Variants in ESRRG observed in about 807,000 individuals in gnomAD.
ESRRG encodes the protein estrogen-related receptor gamma.
In ESRRG, 13 loss-of-function variants were observed where a neutral mutation model predicts 44.0. The ratio of observed to expected loss-of-function variants is 0.30; its 90% CI spans 0.19 to 0.47. The LOEUF (loss-of-function observed/expected upper bound fraction) is 0.47, where lower values mean the gene tolerates loss of function less well. Among genes scored for constraint, ESRRG ranks in the 20% least tolerant of loss-of-function variants. The probability of loss-of-function intolerance (pLI) is 1.00; values close to 1 mark genes in which losing one functional copy is unlikely to be tolerated. For synonymous variants in ESRRG, 215 were observed against 214.6 expected (o/e 1.00, Z -0.02); for missense variants, 395 against 580.6 (o/e 0.68, Z 3.29).
At chr1:217,053,829 G>T (rs2086583031) in intron 1 of ESRRG, among the ~76,000 whole-genome samples, 1 of 152,134 alleles carries the variant, frequency 6.6e-6, no homozygotes, top group South Asian at 2.1e-4. Context: ...AACATGGGAA[G>T]AAGGGGTTGG....
chr1:217,069,030 C>A lies in ESRRG; in HGVS notation c.-106+20477G>T, dbSNP rs529889620. Among the ~76,000 whole-genome samples the A allele has an allele frequency of 1.2e-4, 18 of 152,274 alleles. No homozygotes were observed. In the East Asian group the frequency reaches 3.1e-3, roughly 26 times the overall value. On this transcript the variant is annotated intron_variant, in intron 1 of 7. Transcript: ENST00000359162. ...GTCAACTTGATTGGATTCAAGGATG[C>A]AAAGTATTTATCCTGGGTGTGTCTA...
At chr1:216,917,007 A>G (rs1379005036) in intron 2 of ESRRG, among the ~76,000 whole-genome samples, 2 of 151,206 alleles carry the variant, frequency 1.3e-5, no homozygotes, top group Non-Finnish European at 2.9e-5. Flanking sequence ...GTGGTTGCTC[A>G]TGTGGCTGCA....
chr1:216,654,993 A>G (rs1265250560), intron 2 of ESRRG, among the ~76,000 whole-genome samples: 1 of 152,196 alleles, frequency 6.6e-6, no homozygotes, highest in East Asian at 1.9e-4. Context: ...TAATTACGTA[A>G]AGATTTTAAA....
chr1:216,885,530 G>A (rs1345554887), intron 2 of ESRRG, among the ~76,000 whole-genome samples: 1 of 151,152 alleles, frequency 6.6e-6, no homozygotes, highest in Non-Finnish European at 1.5e-5. Flanking sequence ...CTTGGGAAAA[G>A]TCACCCATTC....
intron 5 of ESRRG, among the ~76,000 whole-genome samples, chr1:216,543,328 AAAGTT>A (rs758089942): frequency 2.6e-5 from 4 of 152,042 alleles, no homozygotes; most frequent in Non-Finnish European, 5.9e-5. Flanking sequence ...CATCATTAAA[AAAGTT>A]TAGGGATAAA....
At chr1:217,029,808 G>C (rs2081786875) in intron 1 of ESRRG, among the ~76,000 whole-genome samples, 1 of 152,084 alleles carries the variant, frequency 6.6e-6, no homozygotes, top group African/African-American at 2.4e-5. Flanking sequence ...AAAAGAAAAG[G>C]AGTCAGGTCC....
chr1:216,969,457 G>C (rs1380407853), intron 1 of ESRRG, among the ~76,000 whole-genome samples: 1 of 152,012 alleles, frequency 6.6e-6, no homozygotes, highest in Non-Finnish European at 1.5e-5. Flanking sequence ...CCTATTTTAT[G>C]TTTCCACTGA....
At chr1:216,964,046 C>A (rs2028097) in intron 1 of ESRRG, among the ~76,000 whole-genome samples, 51,992 of 151,924 alleles carry the variant, frequency 0.34, 10,606 homozygotes, top group Non-Finnish European at 0.47. Flanking sequence ...ATGCAAAGGT[C>A]CTGTGGCAAA....
At position 216,850,185 on chromosome 1, in the gene ESRRG, A is replaced by G. The variant is rs2118153; in HGVS notation, c.-14+89397T>C. 2.1e-3 allele frequency among the ~76,000 whole-genome samples: 326 copies of G among 152,260 alleles called. 4 individuals are homozygous for G. The highest frequency in any genetic ancestry group is 7.6e-3 in the African/African-American group (317 of 41,588). On this transcript the variant is annotated intron_variant, in intron 2 of 7. Coordinates refer to the ESRRG transcript ENST00000359162. ...GCCAAACCATTGGCATCATCCAAATAAATATTTTCTTTAAAATCACTCCTT... is the reference window on the plus strand; with the variant it reads ...GCCAAACCATTGGCATCATCCAAATGAATATTTTCTTTAAAATCACTCCTT...
At chr1:217,026,557 G>T (rs1014057671) in intron 1 of ESRRG, among the ~76,000 whole-genome samples, 6 of 152,154 alleles carry the variant, frequency 3.9e-5, no homozygotes, top group Admixed American at 6.5e-5. Flanking sequence ...GGGTGAAATG[G>T]TGGAATGCTT....
chr1:216,793,601 A>G (rs934301307), intron 2 of ESRRG, among the ~76,000 whole-genome samples: 5 of 152,168 alleles, frequency 3.3e-5, no homozygotes, highest in African/African-American at 1.2e-4. Flanking sequence ...CAACCTCATG[A>G]GAGACCTTGA....
intron 2 of ESRRG, among the ~76,000 whole-genome samples, chr1:216,669,487 T>C (rs1339297511): frequency 6.6e-6 from 1 of 152,230 alleles, no homozygotes; most frequent in Non-Finnish European, 1.5e-5. Flanking sequence ...TAGAATGATA[T>C]TTGTTATTTA....
chr1:216,688,831 A>G (rs1230759440), intron 1 of ESRRG, among the ~76,000 whole-genome samples: 1 of 152,174 alleles, frequency 6.6e-6, no homozygotes, highest in Admixed American at 6.5e-5. Context: ...TCATACAGAG[A>G]AAAGCTGAAA....
chr1:216,978,870 A>G (rs1390526876), intron 1 of ESRRG, among the ~76,000 whole-genome samples: 3 of 152,094 alleles, frequency 2.0e-5, no homozygotes, highest in African/African-American at 7.2e-5. Flanking sequence ...TTTTTTCCCC[A>G]GAGAGCTCAA....
At chr1:216,610,342 C>T (rs2060474648) in intron 3 of ESRRG, among the ~76,000 whole-genome samples, 1 of 152,078 alleles carries the variant, frequency 6.6e-6, no homozygotes. Context: ...CATCAACCAG[C>T]TTAATCCCTG....
rs951535962 is a variant in ESRRG, at chr1:216,503,922, G to A, written c.*3017C>T. 1 of 152,314 alleles carries A rather than the reference G, an allele frequency of 6.6e-6. No homozygotes were observed. The highest frequency in any genetic ancestry group is 2.4e-5 in the African/African-American group (1 of 41,402). 9.4% of individuals were successfully genotyped at this position (152,314 alleles called of 1,614,324 possible). ...TCCAAAACTTCACATTAAGTAAATGGTCTTGCTTGAAACTTGAGAAGACTT... is the reference window on the plus strand; with the variant it reads ...TCCAAAACTTCACATTAAGTAAATGATCTTGCTTGAAACTTGAGAAGACTT... On this transcript the variant is annotated 3_prime_UTR_variant, in exon 7 of 7. Transcript: ENST00000408911.
At chr1:217,132,404 G>A (rs2092978502) in intron 1 of ESRRG, among the ~76,000 whole-genome samples, 1 of 152,216 alleles carries the variant, frequency 6.6e-6, no homozygotes, top group Non-Finnish European at 1.5e-5. Flanking sequence ...CATGCTGGTA[G>A]AGAAGGAAGG....
chr1:216,790,436 A>G (rs1288183312), intron 2 of ESRRG, among the ~76,000 whole-genome samples: 2 of 152,148 alleles, frequency 1.3e-5, no homozygotes, highest in African/African-American at 2.4e-5. Context: ...TCATACAAAC[A>G]TAAAAGATAA....
chr1:216,654,233 T>C (rs2069816096), intron 2 of ESRRG, among the ~76,000 whole-genome samples: 1 of 152,172 alleles, frequency 6.6e-6, no homozygotes, highest in South Asian at 2.1e-4. Context: ...ATATCAATTA[T>C]GGTGTTATAA....
Sources: gnomAD v4.1 joint callset for allele counts (sites outside exome capture counted in the v4.1 genomes callset) on GRCh38, gnomAD v4.1.1 for gene constraint, MANE v1.5 for transcripts, NCBI Gene and HGNC (gene_info 2026-07-23, HGNC 2026-07-21) for gene names.